Variants in OSBPL2 observed in about 807,000 individuals in gnomAD.
OSBPL2 encodes the protein oxysterol-binding protein-related protein 2.
OSBPL2 carries 18 observed loss-of-function variants against 58.4 expected under a neutral mutation model. That is an observed-to-expected ratio of 0.31 (90% confidence interval 0.21 to 0.46). OSBPL2 has a LOEUF of 0.46. Ranked by LOEUF, OSBPL2 falls within the 20% of genes least tolerant of loss-of-function variation. OSBPL2 has a pLI of 1.00. For missense variants in OSBPL2, 461 were observed against 616.5 expected (o/e 0.75, Z 2.67); for synonymous variants, 221 against 234.1 (o/e 0.94, Z 0.51).
intron 9 of OSBPL2, among the ~76,000 whole-genome samples, chr20:62,283,315 G>C (rs1043936997): frequency 1.3e-5 from 2 of 152,224 alleles, no homozygotes; most frequent in Non-Finnish European, 2.9e-5. Flanking sequence ...CCCCGCGTCT[G>C]TGTGCTGGCT....
intron 10 of OSBPL2, 39 bp from the exon 11 acceptor site, chr20:62,286,544 T>C (rs764832695): frequency 6.7e-5 from 107 of 1,586,604 alleles, no homozygotes; most frequent in Non-Finnish European, 9.1e-5. Context: ...AAGAGCGGCC[T>C]GGCCCCGGGC....
intron 1 of OSBPL2, among the ~76,000 whole-genome samples, chr20:62,245,385 G>A (rs369355608): frequency 7.2e-5 from 11 of 152,316 alleles, no homozygotes; most frequent in African/African-American, 2.6e-4. Context: ...GAGCCACCGC[G>A]CCCGGCCTGA....
chr20:62,282,268 C>A (rs1035423855), intron 9 of OSBPL2, among the ~76,000 whole-genome samples: 1 of 152,180 alleles, frequency 6.6e-6, no homozygotes, highest in African/African-American at 2.4e-5. Context: ...TCAGGCAAGA[C>A]TCAAATGTGT....
intron 1 of OSBPL2, among the ~76,000 whole-genome samples, chr20:62,247,473 G>A (rs1300308259): frequency 2.0e-5 from 3 of 152,190 alleles, no homozygotes; most frequent in East Asian, 3.9e-4. Context: ...CTGAGGGACT[G>A]TAGCTCCCCG....
intron 2 of OSBPL2, among the ~76,000 whole-genome samples, chr20:62,257,826 T>C (rs1272646220): frequency 6.6e-6 from 1 of 151,860 alleles, no homozygotes; most frequent in African/African-American, 2.4e-5. Context: ...GCAGTTCTCC[T>C]GCCTCAGCCT....
chr20:62,255,835 T>C (rs1980886693), intron 1 of OSBPL2, among the ~76,000 whole-genome samples: 2 of 152,376 alleles, frequency 1.3e-5, no homozygotes, highest in African/African-American at 2.4e-5. Flanking sequence ...ACTCTTGTTA[T>C]AGGGCTGAAT....
chr20:62,286,966 G>A (rs1352232984), intron 11 of OSBPL2, among the ~76,000 whole-genome samples: 1 of 152,250 alleles, frequency 6.6e-6, no homozygotes, highest in African/African-American at 2.4e-5. Context: ...GGACATGCAG[G>A]TCGAGGTGTG....
intron 2 of OSBPL2, among the ~76,000 whole-genome samples, chr20:62,258,613 T>C (rs1981090971): frequency 6.6e-6 from 1 of 152,200 alleles, no homozygotes; most frequent in Admixed American, 6.5e-5. Flanking sequence ...TCTTAGAATG[T>C]TATTAGGCCA....
At chr20:62,286,448 T>A (rs1411595762) in intron 10 of OSBPL2, 135 bp from the exon 11 acceptor site, 3 of 931,548 alleles carry the variant, frequency 3.2e-6, no homozygotes, top group Non-Finnish European at 4.9e-6. Flanking sequence ...AGACTCCGTC[T>A]GAAAAAAAAA....
At chr20:62,283,754 C>T (rs1201035109) in intron 9 of OSBPL2, among the ~76,000 whole-genome samples, 1 of 152,066 alleles carries the variant, frequency 6.6e-6, no homozygotes, top group African/African-American at 2.4e-5. Flanking sequence ...TTCCCGTCTC[C>T]TGCAGTCCCA....
chr20:62,284,937 A>G (rs955989000), intron 10 of OSBPL2: 1 of 152,382 alleles, frequency 6.6e-6, no homozygotes, highest in Admixed American at 6.5e-5. Flanking sequence ...ACCAGATAAT[A>G]TATTCAACAG....
chr20:62,246,982 C>T (rs1306549363), intron 1 of OSBPL2, among the ~76,000 whole-genome samples: 1 of 152,180 alleles, frequency 6.6e-6, no homozygotes, highest in Non-Finnish European at 1.5e-5. Flanking sequence ...GGCATCTTTC[C>T]AAGCATTTGA....
intron 3 of OSBPL2, among the ~76,000 whole-genome samples, chr20:62,261,448 C>T (rs952631685): frequency 6.6e-6 from 1 of 152,144 alleles, no homozygotes; most frequent in Non-Finnish European, 1.5e-5. Flanking sequence ...CTCCAGGGAG[C>T]TGCTCCAGCC....
intron 2 of OSBPL2, among the ~76,000 whole-genome samples, chr20:62,258,583 T>C (rs1981088518): frequency 1.3e-5 from 2 of 152,242 alleles, no homozygotes; most frequent in South Asian, 4.1e-4. Context: ...TCTGTTTTTC[T>C]ACAATAAATG....
intron 12 of OSBPL2, among the ~76,000 whole-genome samples, chr20:62,289,886 CAG>C (rs1415006595): frequency 1.3e-5 from 2 of 152,144 alleles, no homozygotes; most frequent in Non-Finnish European, 2.9e-5. Context: ...GCCAGGGCGA[CAG>C]AGTGAGACCC....
rs755885052 is a variant in OSBPL2, at chr20:62,279,304, G to A, written c.639G>A (p.Ala213=). ...AGTTCTGGGGCAAAAGCGTGGAGGC[G>A]GAGCCCCGAGGCACCATCACCCTGG... ...KLKFWGKSVE[A]EPRGTITLEL... The change falls in exon 7 of 14, where the codon GCG becomes GCA. Residue 213 remains alanine, a synonymous_variant. Coordinates refer to ENST00000313733, the MANE Select transcript of OSBPL2 (RefSeq NM_144498.4). 10 of 1,614,092 alleles carry A rather than the reference G, an allele frequency of 6.2e-6. No homozygotes were observed. The highest frequency in any genetic ancestry group is 2.2e-5 in the East Asian group (1 of 44,892).
chr20:62,256,782 G>A (rs1170259722), intron 2 of OSBPL2, among the ~76,000 whole-genome samples: 1 of 152,268 alleles, frequency 6.6e-6, no homozygotes, highest in Non-Finnish European at 1.5e-5. Context: ...ATGTGACGGG[G>A]CGGCTAGAGG....
intron 9 of OSBPL2, 25 bp from the exon 10 acceptor site, chr20:62,284,021 C>T: frequency 6.2e-7 from 1 of 1,604,140 alleles, no homozygotes; most frequent in Non-Finnish European, 8.5e-7. Flanking sequence ...TAAGACTTGT[C>T]TTTAAAAATC....
rs916934881 is a variant in OSBPL2 at position 62,295,889 on chromosome 20, C to T, written c.*2002C>T. On this transcript the variant is annotated 3_prime_UTR_variant, in exon 14 of 14. Coordinates refer to ENST00000313733, the MANE Select transcript of OSBPL2 (RefSeq NM_144498.4). This position sits in a 1 kb window ranked among gnomAD's most constrained non-coding sequence, Gnocchi z 4.8. ...GTTACTGGTTAAGATAATTTGCCCA[C>T]GGGTTTGTTTCCAAGTCCTCTTCTA... 4.6e-5 allele frequency: 7 copies of T among 152,158 alleles called. No homozygotes were observed. The highest frequency in any genetic ancestry group is 7.3e-5 in the Non-Finnish European group (5 of 68,036). The allele number at this position is 152,158 out of a possible 1,614,324, so 9.4% of individuals were successfully genotyped here. A position where few individuals can be genotyped will look rare whatever the true frequency, so the allele number is the denominator to read the frequency against.
Sources: allele counts gnomAD v4.1 joint callset (sites outside exome capture counted in the v4.1 genomes callset), GRCh38; gene constraint gnomAD v4.1.1; non-coding constraint Gnocchi (gnomAD v3.1); transcripts MANE v1.5; gene names NCBI Gene and HGNC (gene_info 2026-07-23, HGNC 2026-07-21).